Variants in RALGPS2 observed in about 807,000 individuals in gnomAD.
RALGPS2 encodes the protein Ral GEF with PH domain and SH3 binding motif 2.
Under a neutral mutation model 86.8 loss-of-function variants are expected in RALGPS2, and 43 were observed. That is an observed-to-expected ratio of 0.50 (90% CI 0.39 to 0.64). The LOEUF is 0.64. Among genes scored for constraint, RALGPS2 ranks in the 30% least tolerant of loss-of-function variants. RALGPS2 has a pLI of 0.00. For synonymous variants in RALGPS2, 243 were observed against 231.3 expected (o/e 1.05, Z -0.46); for missense variants, 536 against 694.6 (o/e 0.77, Z 2.57).
chr1:178,881,600 G>A (rs769480777), intron 10 of RALGPS2, among the ~76,000 whole-genome samples: 3 of 151,960 alleles, frequency 2.0e-5, no homozygotes. Context: ...ACAGGTGCCC[G>A]CCATCATGCC....
At chr1:178,841,267 C>A (rs1271323100) in intron 8 of RALGPS2, among the ~76,000 whole-genome samples, 3 of 151,416 alleles carry the variant, frequency 2.0e-5, no homozygotes, top group Non-Finnish European at 4.4e-5. Flanking sequence ...TACTGGCAAA[C>A]CGAATCCAGC....
At chr1:178,776,244 T>A (rs530939582) in intron 1 of RALGPS2, among the ~76,000 whole-genome samples, 1 of 152,198 alleles carries the variant, frequency 6.6e-6, no homozygotes, top group Non-Finnish European at 1.5e-5. Flanking sequence ...ATTTGTGATA[T>A]GTTGGTAATC....
intron 18 of RALGPS2, 73 bp downstream of exon 18, chr1:178,902,284 G>A (rs1043775137): frequency 1.2e-5 from 14 of 1,175,022 alleles, no homozygotes; most frequent in Non-Finnish European, 1.8e-5. Context: ...GTATGTGTGT[G>A]TGTATACTTG....
chr1:178,806,815 T>C (rs1654771789), intron 4 of RALGPS2, among the ~76,000 whole-genome samples: 1 of 152,174 alleles, frequency 6.6e-6, no homozygotes. Context: ...TCTTTTTTTG[T>C]TGTGGTTCTC....
At chr1:178,824,643 C>T (rs1655665775) in intron 7 of RALGPS2, among the ~76,000 whole-genome samples, 1 of 151,988 alleles carries the variant, frequency 6.6e-6, no homozygotes. Flanking sequence ...CCCGTCTCTA[C>T]TAAAAATACA....
intron 7 of RALGPS2, among the ~76,000 whole-genome samples, chr1:178,830,928 T>C (rs1655986112): frequency 6.6e-6 from 1 of 152,120 alleles, no homozygotes; most frequent in Non-Finnish European, 1.5e-5. Context: ...AAATTAACAT[T>C]ATAAATGTAT....
At chr1:178,852,135 C>T (rs1657213276) in intron 8 of RALGPS2, among the ~76,000 whole-genome samples, 1 of 152,150 alleles carries the variant, frequency 6.6e-6, no homozygotes, top group Non-Finnish European at 1.5e-5. Flanking sequence ...TCCTTCATTT[C>T]TTGCGACTCT....
chr1:178,776,932 C>T, intron 2 of RALGPS2, 111 bp downstream of exon 2: 1 of 778,680 alleles, frequency 1.3e-6, no homozygotes, highest in Non-Finnish European at 2.0e-6. Flanking sequence ...TGCAGAAATA[C>T]ACATTTCCTT....
intron 8 of RALGPS2, among the ~76,000 whole-genome samples, chr1:178,835,041 G>A (rs7550781): frequency 0.011 from 1,665 of 152,258 alleles, 25 homozygotes; most frequent in African/African-American, 0.038. Flanking sequence ...GTCTCCCAAA[G>A]TGCTGGGATT....
intron 7 of RALGPS2, among the ~76,000 whole-genome samples, chr1:178,832,195 TA>T (rs1286402291): frequency 6.6e-6 from 1 of 152,184 alleles, no homozygotes; most frequent in Non-Finnish European, 1.5e-5. Flanking sequence ...GAGAAAATTG[TA>T]AAACCGCTGT....
At chr1:178,892,202 A>T in intron 14 of RALGPS2, 28 bp from the exon 15 acceptor site, 1 of 1,578,802 alleles carries the variant, frequency 6.3e-7, no homozygotes, top group Non-Finnish European at 8.7e-7. Context: ...TATATGTAAT[A>T]TATACAATTT....
chr1:178,896,072 T>C (rs1488119684), intron 16 of RALGPS2, among the ~76,000 whole-genome samples: 1 of 152,024 alleles, frequency 6.6e-6, no homozygotes, highest in African/African-American at 2.4e-5. Flanking sequence ...GGAACTGTTA[T>C]CCCAGAAGCC....
intron 2 of RALGPS2, among the ~76,000 whole-genome samples, chr1:178,779,833 A>G (rs1452283970): frequency 3.3e-5 from 5 of 152,222 alleles, no homozygotes. Context: ...TCCCAGGTTC[A>G]AGCAATTCTC....
At chr1:178,909,643 A>ATTTTTTTTTTTT (rs57890269) in intron 19 of RALGPS2, among the ~76,000 whole-genome samples, 3 of 72,384 alleles carry the variant, frequency 4.1e-5, no homozygotes, top group Non-Finnish European at 7.6e-5. Context: ...TTCTTTTTTA[A>ATTTTTTTTTTTT]TTTTTTTTTT....
chr1:178,769,342 A>C (rs1031916774), intron 1 of RALGPS2, among the ~76,000 whole-genome samples: 1 of 151,984 alleles, frequency 6.6e-6, no homozygotes. Context: ...AGGTGCTCCA[A>C]ATGCTTGGAG....
At chr1:178,728,706 A>C (rs1229301922) in intron 1 of RALGPS2, among the ~76,000 whole-genome samples, 2 of 152,136 alleles carry the variant, frequency 1.3e-5, no homozygotes, top group South Asian at 4.1e-4. Context: ...ATGTGTCTTA[A>C]ATTTCCTATT....
chr1:178,860,393 T>A (rs1369512998), intron 8 of RALGPS2, among the ~76,000 whole-genome samples: 3 of 152,210 alleles, frequency 2.0e-5, no homozygotes, highest in Non-Finnish European at 2.9e-5. Context: ...AGATTTTTCT[T>A]ATAACCATTT....
intron 8 of RALGPS2, among the ~76,000 whole-genome samples, chr1:178,848,318 A>AG (rs1379769029): frequency 6.6e-6 from 1 of 152,082 alleles, no homozygotes; most frequent in Non-Finnish European, 1.5e-5. Context: ...CTAAAAAAAA[A>AG]CAAAAAGAAA....
At chr1:178,797,365 G>A (rs926017751) in intron 4 of RALGPS2, among the ~76,000 whole-genome samples, 3 of 151,958 alleles carry the variant, frequency 2.0e-5, no homozygotes, top group African/African-American at 7.3e-5. Flanking sequence ...GTAGAGGTGG[G>A]GCAGGGCAAA....
Sources: gnomAD v4.1 joint callset for allele counts (sites outside exome capture counted in the v4.1 genomes callset) on GRCh38, gnomAD v4.1.1 for gene constraint, MANE v1.5 for transcripts, NCBI Gene and HGNC (gene_info 2026-07-23, HGNC 2026-07-21) for gene names.